The following KMT2B variants were observed in gnomAD, a reference collection of about 807,000 sequenced individuals.
The protein encoded by KMT2B is histone-lysine N-methyltransferase 2B.
KMT2B carries 22 observed loss-of-function variants against 255.3 expected under a neutral mutation model. The observed-to-expected ratio is 0.09, with a 90% CI of 0.06 to 0.12. The LOEUF (loss-of-function observed/expected upper bound fraction) is 0.12. KMT2B is among the 10% of genes least tolerant of loss of function. The pLI is 1.00. For synonymous variants in KMT2B, 1,730 were observed against 1,498.1 expected (o/e 1.15, Z -3.57); for missense variants, 3,149 against 3,737.0 (o/e 0.84, Z 4.10).
Position 35,725,924 on chromosome 19 carries a change from C to T in KMT2B, c.3885+106C>T. On this transcript the variant is annotated intron_variant, in intron 13 of 36. Transcript: ENST00000420124. This position sits in a 1 kb window ranked among gnomAD's most constrained non-coding sequence, Gnocchi z 4.1. ...TCAGGAGGAGCAGAGGTTGGGGATCCTCTTAAGAATTGATTAGTAATGTTT... is the reference window on the plus strand; with the variant it reads ...TCAGGAGGAGCAGAGGTTGGGGATCTTCTTAAGAATTGATTAGTAATGTTT... The T allele has an allele frequency of 1.1e-6, 1 of 933,998 alleles. No individual in the cohort carries two copies. Among genetic ancestry groups the T allele is most frequent in the Non-Finnish European group, 1.7e-6 (1 of 596,610 alleles). 57.9% of individuals were successfully genotyped at this position (933,998 alleles called of 1,614,324 possible).
At chr19:35,724,167 G>A (rs1235871771) in intron 8 of KMT2B, among the ~76,000 whole-genome samples, 160 bp downstream of exon 8, 1 of 152,134 alleles carries the variant, frequency 6.6e-6, no homozygotes, top group African/African-American at 2.4e-5. Flanking sequence ...TACAGAACTG[G>A]CCTATGAGGT....
Position 35,732,554 on chromosome 19 carries a change from C to T in KMT2B, c.6005C>T (p.Pro2002Leu), listed in dbSNP as rs768738947. ...GCGGCCAGCCTGCTGGGGACTGAGC[C>T]CTTCCAGGAAGAGATTGTAGCCGCT... ...DFAASLLGTE[P>L]FQEEIVAAGA... The change falls in exon 28 of 37, where the codon CCC (proline) becomes CTC (leucine). Residue 2002 changes from proline (P) to leucine (L), a missense_variant. Coordinates refer to ENST00000420124, the MANE Select transcript of KMT2B (RefSeq NM_014727.3). 6.2e-7 allele frequency: 1 copy of T among 1,613,852 alleles called. No homozygotes were observed. Among genetic ancestry groups the T allele is most frequent in the Admixed American group, 1.7e-5 (1 of 60,026 alleles).
chr19:35,729,416 C>T, intron 22 of KMT2B, 120 bp downstream of exon 22: 1 of 1,352,892 alleles, frequency 7.4e-7, no homozygotes. Context: ...AGGCTGAGGT[C>T]TCTTGGTTGC....
Position 35,732,735 on chromosome 19 carries a change from C to T in KMT2B, c.6186C>T (p.Asp2062=), listed in dbSNP as rs761776275. Residue 2062 remains aspartate, a synonymous_variant, in exon 28 of 37, where the codon GAC becomes GAT. Transcript: ENST00000420124. ...GAGCCCCCCGCATTGAACAGCTGGACGGCGTGGACGACGGCACTGACAGTG... is the reference window on the plus strand; with the variant it reads ...GAGCCCCCCGCATTGAACAGCTGGATGGCGTGGACGACGGCACTGACAGTG... ...TPGAPRIEQL[D]GVDDGTDSEA... The T allele has an allele frequency of 1.1e-5, 17 of 1,610,418 alleles. No homozygotes were observed. The highest frequency in any genetic ancestry group is 4.4e-5 in the South Asian group (4 of 90,632).
Position 35,730,909 on chromosome 19 carries a change from C to G in KMT2B, c.5437+42C>G, listed in dbSNP as rs1465139255. On this transcript the variant is annotated intron_variant, in intron 26 of 36. Transcript: ENST00000420124. Reference sequence around the variant, plus strand: ...GTCTTCTTCCTGAATACCGCTCTCCCTAAACAAACCTACAGATCTCTGTTC... The same window carrying G: ...GTCTTCTTCCTGAATACCGCTCTCCGTAAACAAACCTACAGATCTCTGTTC... 4.6e-6 allele frequency: 7 copies of G among 1,524,786 alleles called. No homozygotes were observed. In the African/African-American group the frequency reaches 5.5e-5, roughly 12 times the overall value. The allele number at this position is 1,524,786 out of a possible 1,614,324, so 94.5% of individuals were successfully genotyped here.
Position 35,721,135 on chromosome 19 carries a change from C to T in KMT2B, c.1788C>T (p.Leu596=). ...CTCCTCCATCTACCCCAGTTCCACT[C>T]CCTGAGAAGAGACGGTCCATCCTAA... is the stretch of plus-strand genomic sequence containing the variant. ...APTPPSTPVP[L]PEKRRSILRE... is the part of the protein sequence containing the mutation. The change falls in exon 3 of 37, where the codon CTC becomes CTT. Residue 596 remains leucine (L), a synonymous_variant. Transcript: ENST00000420124. 6.2e-7 allele frequency: 1 copy of T among 1,605,764 alleles called. No individual in the cohort carries two copies. The highest frequency in any genetic ancestry group is 8.5e-7 in the Non-Finnish European group (1 of 1,176,796).
rs369601563 is a variant in KMT2B, at chr19:35,720,501, C to T, written c.1154C>T (p.Ala385Val). 43 of 1,551,298 alleles carry T rather than the reference C, an allele frequency of 2.8e-5. No homozygotes were observed. Among genetic ancestry groups the T allele is most frequent in the Middle Eastern group, 3.3e-4 (2 of 6,010 alleles). ...DKEGEEKEERAVAEEMMPAAE... is the reference protein window; with the variant it reads ...DKEGEEKEERVVAEEMMPAAE... ...GAGGGAGAAGAGAAGGAAGAAAGAG[C>T]TGTAGCTGAGGAGATGATGCCAGCT... is the stretch of plus-strand genomic sequence containing the variant. Residue 385 changes from alanine (A) to valine (V), a missense_variant, in exon 3 of 37, where the codon GCT (alanine) becomes GTT (valine). Physicochemically the swap from Ala to Val is moderately conservative, Grantham distance 64 (BLOSUM62 0). This residue lies in a region of KMT2B where 1,188 missense variants were observed against 1,106.4 expected (regional missense o/e 1.07). Transcript: ENST00000420124.
chr19:35,723,682 C>T lies in KMT2B; in HGVS notation c.3059-50C>T, dbSNP rs779530625. The T allele has an allele frequency of 2.7e-6, 4 of 1,476,312 alleles. No homozygotes were observed. The East Asian group carries it at 6.9e-5, about 25-fold the overall frequency. The allele number at this position is 1,476,312 out of a possible 1,614,324, so 91.5% of individuals were successfully genotyped here. ...TTCTTTCTGGCTTCTCTCCCAGTGT[C>T]CCATGTCCCTGGCTGAGCTCAAATC... On this transcript the variant is annotated intron_variant, in intron 7 of 36. Coordinates refer to ENST00000420124, the MANE Select transcript of KMT2B (RefSeq NM_014727.3). The surrounding 1 kb of genome is among the most constrained non-coding windows in gnomAD (Gnocchi z 7.5).
Position 35,721,115 on chromosome 19 carries a change from C to A in KMT2B, c.1768C>A (p.Pro590Thr). The A allele has an allele frequency of 6.2e-7, 1 of 1,609,856 alleles. No individual in the cohort carries two copies. The highest frequency in any genetic ancestry group is 2.2e-5 in the East Asian group (1 of 44,568). The change falls in exon 3 of 37, where the codon CCA (proline) becomes ACA (threonine). Residue 590 changes from proline to threonine, a missense_variant. Pro to Thr is a conservative substitution (Grantham distance 38). Transcript: ENST00000420124. ...VPSPPRAPTP[P>T]STPVPLPEKR... is the part of the protein sequence containing the mutation. ...CTCTCCACCACGTGCCCCAACTCCT[C>A]CATCTACCCCAGTTCCACTCCCTGA... is the stretch of plus-strand genomic sequence containing the variant.
chr19:35,726,439 T>C, intron 14 of KMT2B, 86 bp downstream of exon 14: 1 of 874,376 alleles, frequency 1.1e-6, no homozygotes, highest in East Asian at 2.5e-5. Context: ...GACCCTCTTT[T>C]CTCATGGCTT....
Position 35,730,524 on chromosome 19 carries a change from G to A in KMT2B, c.5198-14G>A, listed in dbSNP as rs775117110. 8.1e-6 allele frequency: 13 copies of A among 1,613,804 alleles called. No homozygotes were observed. Among genetic ancestry groups the A allele is most frequent in the Middle Eastern group, 1.6e-4 (1 of 6,084 alleles). On this transcript the variant is annotated splice_polypyrimidine_tract_variant and intron_variant, in intron 24 of 36. Coordinates refer to ENST00000420124, the MANE Select transcript of KMT2B (RefSeq NM_014727.3). ...GTCCTGCCTGCCTCTCCTGACCTCC[G>A]CTTTGCACCACAGGTTCCATCCGCA...
Position 35,725,278 on chromosome 19 carries a change from T to C in KMT2B, c.3587T>C (p.Val1196Ala). The C allele has an allele frequency of 1.3e-6, 2 of 1,591,132 alleles. No homozygotes were observed. The highest frequency in any genetic ancestry group is 1.7e-6 in the Non-Finnish European group (2 of 1,168,856). The change falls in exon 11 of 37, where the codon GTG (valine) becomes GCG (alanine). Residue 1196 changes from valine to alanine, a missense_variant. Around this residue, in one of 18 missense-constraint regions of KMT2B, gnomAD observed 42 missense variants for 121.0 expected, o/e 0.35. Coordinates refer to ENST00000420124, the MANE Select transcript of KMT2B (RefSeq NM_014727.3). This position sits in a 1 kb window ranked among gnomAD's most constrained non-coding sequence, Gnocchi z 4.1. ...LMGGLSVLTS[V>A]PGGPPMVCLL... ...GGGGGCCTGAGTGTGCTCACCTCTGTGCCAGGGGGCCCCCCGATGGTGTGC... is the reference window on the plus strand; with the variant it reads ...GGGGGCCTGAGTGTGCTCACCTCTGCGCCAGGGGGCCCCCCGATGGTGTGC...
chr19:35,732,196 A>G lies in KMT2B; in HGVS notation c.5666-19A>G, dbSNP rs1362658243. 1 of 1,571,600 alleles carries G rather than the reference A, an allele frequency of 6.4e-7. No homozygotes were observed. Among genetic ancestry groups the G allele is most frequent in the African/African-American group, 1.4e-5 (1 of 73,508 alleles). ...CGCGGAGGTGGGAGCTGCTGGTAACACCAACCCTCCCCCCACAGGAAGTCC... is the reference window on the plus strand; with the variant it reads ...CGCGGAGGTGGGAGCTGCTGGTAACGCCAACCCTCCCCCCACAGGAAGTCC... On this transcript the variant is annotated intron_variant, in intron 27 of 36. Transcript: ENST00000420124.
At chr19:35,730,910 T>C in intron 26 of KMT2B, 43 bp downstream of exon 26, 6 of 1,524,726 alleles carry the variant, frequency 3.9e-6, no homozygotes, top group Non-Finnish European at 5.3e-6. Flanking sequence ...CCGCTCTCCC[T>C]AAACAAACCT....
In KMT2B at chr19:35,723,631, G is replaced by T; in HGVS notation, c.3059-101G>T. 1.5e-6 allele frequency: 2 copies of T among 1,304,382 alleles called. No homozygotes were observed. The highest frequency in any genetic ancestry group is 3.0e-5 in the African/African-American group (2 of 67,128). The allele number at this position is 1,304,382 out of a possible 1,614,324, so 80.8% of individuals were successfully genotyped here. A position where few individuals can be genotyped will look rare whatever the true frequency, so the allele number is the denominator to read the frequency against. ...ATCTTCTCCGTTGTGTGCTTTCATAGCTCCTGCGTTCATTCCCTGCCCCGC... is the reference window on the plus strand; with the variant it reads ...ATCTTCTCCGTTGTGTGCTTTCATATCTCCTGCGTTCATTCCCTGCCCCGC... On this transcript the variant is annotated intron_variant, in intron 7 of 36. Coordinates refer to ENST00000420124, the MANE Select transcript of KMT2B (RefSeq NM_014727.3). This position sits in a 1 kb window ranked among gnomAD's most constrained non-coding sequence, Gnocchi z 7.5.
In KMT2B at chr19:35,738,152, G is replaced by A. The variant is rs114308709; in HGVS notation, c.7833G>A (p.Ser2611=). The change falls in exon 36 of 37, where the codon TCG becomes TCA. Residue 2611 remains serine, a synonymous_variant. Transcript: ENST00000420124. The surrounding 1 kb of genome is among the most constrained non-coding windows in gnomAD (Gnocchi z 8.7). ...VIEYSGIVIR[S]VLTDKREKFY... ...AGTACTCTGGCATTGTCATCCGCTC[G>A]GTGTTGACTGACAAGCGGGAGAAGT... 12 of 1,613,780 alleles carry A rather than the reference G, an allele frequency of 7.4e-6. No homozygotes were observed. The African/African-American group carries it at 8.0e-5, about 11-fold the overall frequency.
At chr19:35,728,698 C>A in intron 19 of KMT2B, 76 bp from the exon 20 acceptor site, 1 of 1,092,882 alleles carries the variant, frequency 9.2e-7, no homozygotes, top group South Asian at 1.3e-5. Context: ...ATGGCGAGTT[C>A]AGGCTGGTTT....
In KMT2B at chr19:35,733,718, C is replaced by G; in HGVS notation, c.7049+32C>G. 6.2e-7 allele frequency: 1 copy of G among 1,608,920 alleles called. No individual in the cohort carries two copies. The highest frequency in any genetic ancestry group is 8.5e-7 in the Non-Finnish European group (1 of 1,177,370). On this transcript the variant is annotated intron_variant, in intron 29 of 36. Transcript: ENST00000420124. The surrounding 1 kb of genome is among the most constrained non-coding windows in gnomAD (Gnocchi z 4.3). Reference sequence around the variant, plus strand: ...GGCCAGGCCCCTCTCCCTGGAGGGTCTGGGACCTCTGTCCTTCCCCTTCCT... The same window carrying G: ...GGCCAGGCCCCTCTCCCTGGAGGGTGTGGGACCTCTGTCCTTCCCCTTCCT...
rs1969729324 is a variant in KMT2B, at chr19:35,732,205, C to T, written c.5666-10C>T. On this transcript the variant is annotated splice_polypyrimidine_tract_variant and intron_variant, in intron 27 of 36. Coordinates refer to ENST00000420124, the MANE Select transcript of KMT2B (RefSeq NM_014727.3). ...GGGAGCTGCTGGTAACACCAACCCTCCCCCCACAGGAAGTCCATCTTCACT... is the reference window on the plus strand; with the variant it reads ...GGGAGCTGCTGGTAACACCAACCCTTCCCCCACAGGAAGTCCATCTTCACT... 2 of 1,576,622 alleles carry T rather than the reference C, an allele frequency of 1.3e-6. No homozygotes were observed. Among genetic ancestry groups the T allele is most frequent in the African/African-American group, 1.4e-5 (1 of 73,670 alleles).
Sources: allele counts gnomAD v4.1 joint callset (sites outside exome capture counted in the v4.1 genomes callset), GRCh38; gene constraint gnomAD v4.1.1; regional missense constraint gnomAD v4.1.1; non-coding constraint Gnocchi (gnomAD v3.1); transcripts MANE v1.5; gene names NCBI Gene and HGNC (gene_info 2026-07-23, HGNC 2026-07-21).